Variants in HMGN5 observed in about 807,000 individuals in gnomAD.
HMGN5 encodes the protein high mobility group nucleosome binding domain 5.
Under a neutral mutation model 9.5 loss-of-function variants are expected in HMGN5, and 4 were observed. That is an observed-to-expected ratio of 0.42 (90% confidence interval 0.21 to 0.96). The LOEUF (loss-of-function observed/expected upper bound fraction) is 0.96. Ranked by LOEUF, HMGN5 falls within the 40% of genes least tolerant of loss-of-function variation. The pLI is 0.30. For missense variants in HMGN5, 192 were observed against 187.5 expected, an observed-to-expected ratio of 1.02 and a Z score of -0.14; for synonymous variants, 55 against 57.1, an observed-to-expected ratio of 0.96 and a Z score of 0.16.
At chrX:81,170,117 C>T (rs2075421882) in intron 1 of HMGN5, among the ~76,000 whole-genome samples, 1 of 106,503 alleles carries the variant, frequency 9.4e-6, no homozygotes, top group Admixed American at 1.0e-4. Flanking sequence ...CAACAGTCAT[C>T]AGTAGTGAGA....
intron 1 of HMGN5, among the ~76,000 whole-genome samples, chrX:81,147,141 C>T (rs904337171): frequency 8.9e-6 from 1 of 111,955 alleles, no homozygotes; most frequent in African/African-American, 3.2e-5. Context: ...CTCCCTAACT[C>T]ATCTTATGAG....
chrX:81,186,454 T>C (rs1458875970), intron 1 of HMGN5, among the ~76,000 whole-genome samples: 1 of 112,096 alleles, frequency 8.9e-6, no homozygotes, highest in African/African-American at 3.2e-5. Flanking sequence ...AATTGAAATG[T>C]CACATATTTC....
At chrX:81,174,734 A>G in intron 1 of HMGN5, among the ~76,000 whole-genome samples, 1 of 111,798 alleles carries the variant, frequency 8.9e-6, no homozygotes, top group African/African-American at 3.2e-5. Flanking sequence ...ATGAAAGTAC[A>G]TAAAATACAC....
chrX:81,178,294 C>T (rs1054062728), intron 1 of HMGN5, among the ~76,000 whole-genome samples: 12 of 110,606 alleles, frequency 1.1e-4, no homozygotes, highest in African/African-American at 3.9e-4. Context: ...TTGAAAAGAT[C>T]AACAAAATTG....
chrX:81,138,906 T>G (rs764068746), intron 1 of HMGN5, among the ~76,000 whole-genome samples: 1 of 111,678 alleles, frequency 9.0e-6, no homozygotes, highest in Non-Finnish European at 1.9e-5. Flanking sequence ...ATAAAATATT[T>G]AGGTATATAC....
intron 1 of HMGN5, among the ~76,000 whole-genome samples, chrX:81,156,488 C>T (rs1349510927): frequency 8.9e-6 from 1 of 112,133 alleles, no homozygotes; most frequent in Non-Finnish European, 1.9e-5. Context: ...AACTTGAAGT[C>T]GTTGGTTAAA....
At chrX:81,164,283 C>T (rs1467743336) in intron 1 of HMGN5, among the ~76,000 whole-genome samples, 1 of 111,513 alleles carries the variant, frequency 9.0e-6, no homozygotes, top group Non-Finnish European at 1.9e-5. Flanking sequence ...AAAACTGAAT[C>T]CAAGATAACA....
intron 1 of HMGN5, among the ~76,000 whole-genome samples, chrX:81,125,582 C>A (rs2075281046): frequency 9.0e-6 from 1 of 111,713 alleles, no homozygotes; most frequent in Non-Finnish European, 1.9e-5. Context: ...AGAGTAGCCA[C>A]TGATATGACA....
chrX:81,154,439 C>G (rs190671419), intron 1 of HMGN5, among the ~76,000 whole-genome samples: 37 of 111,499 alleles, frequency 3.3e-4, no homozygotes, highest in Middle Eastern at 9.2e-3. Flanking sequence ...AAACTCCCCA[C>G]GACAACAGAC....
chrX:81,199,097 G>A (rs1485929690), intron 1 of HMGN5, among the ~76,000 whole-genome samples: 2 of 111,518 alleles, frequency 1.8e-5, no homozygotes, highest in Non-Finnish European at 3.8e-5. Context: ...GACAAACAGA[G>A]AGCCAAATCA....
intron 1 of HMGN5, among the ~76,000 whole-genome samples, chrX:81,188,631 C>T (rs917487545): frequency 9.1e-6 from 1 of 109,392 alleles, no homozygotes; most frequent in Non-Finnish European, 1.9e-5. Context: ...CCCCCCTCTC[C>T]CCACCCCACG....
chrX:81,152,820 A>G (rs2075367684), intron 1 of HMGN5, among the ~76,000 whole-genome samples: 1 of 109,382 alleles, frequency 9.1e-6, no homozygotes, highest in African/African-American at 3.3e-5. Flanking sequence ...CAGCCATAAA[A>G]AATGATGAGT....
At chrX:81,184,381 A>G (rs1418394574) in intron 1 of HMGN5, among the ~76,000 whole-genome samples, 1 of 111,746 alleles carries the variant, frequency 8.9e-6, no homozygotes, top group Admixed American at 9.5e-5. Context: ...GAAACTGAGC[A>G]GATGCCAGAA....
intron 1 of HMGN5, among the ~76,000 whole-genome samples, chrX:81,182,058 C>T (rs2075464438): frequency 8.9e-6 from 1 of 111,737 alleles, no homozygotes; most frequent in Non-Finnish European, 1.9e-5. Flanking sequence ...ACTTACATTA[C>T]TACCAACAGT....
At chrX:81,200,711 G>A (rs754881008) in intron 1 of HMGN5, among the ~76,000 whole-genome samples, 47 of 111,322 alleles carry the variant, frequency 4.2e-4, no homozygotes, top group Non-Finnish European at 8.1e-4. Context: ...CAGTCGGGGG[G>A]TGGGGGGCTG....
At chrX:81,119,924 T>C in intron 2 of HMGN5, 107 bp from the exon 3 acceptor site, 1 of 699,338 alleles carries the variant, frequency 1.4e-6, no homozygotes, top group Non-Finnish European at 2.2e-6. Flanking sequence ...CTTATTACTT[T>C]CTCCTGGGTT....
intron 1 of HMGN5, among the ~76,000 whole-genome samples, chrX:81,187,154 G>C (rs905424508): frequency 8.1e-5 from 9 of 111,670 alleles, no homozygotes; most frequent in Admixed American, 2.9e-4. Context: ...CATGTGCTGA[G>C]AAGAATGTGT....
chrX:81,117,851 A>G (rs2075258512), intron 5 of HMGN5, among the ~76,000 whole-genome samples: 1 of 110,705 alleles, frequency 9.0e-6, no homozygotes, highest in Admixed American at 9.7e-5. Context: ...TGATTTCAGG[A>G]ATTCAATCAA....
chrX:81,140,380 G>A (rs955092957), intron 1 of HMGN5, among the ~76,000 whole-genome samples: 1 of 109,859 alleles, frequency 9.1e-6, no homozygotes, highest in African/African-American at 3.3e-5. Context: ...CTAACAAGGT[G>A]AAACCCCGTC....
Sources: gnomAD v4.1 joint callset for allele counts (sites outside exome capture counted in the v4.1 genomes callset) on GRCh38, gnomAD v4.1.1 for gene constraint, MANE v1.5 for transcripts, NCBI Gene and HGNC (gene_info 2026-07-23, HGNC 2026-07-21) for gene names.